PITPNM2: variants seen among roughly 807,000 people sequenced by gnomAD.
The protein encoded by PITPNM2 is membrane-associated phosphatidylinositol transfer protein 2.
PITPNM2 carries 35 observed loss-of-function variants against 132.2 expected under a neutral mutation model. The ratio of observed to expected loss-of-function variants is 0.26; its 90% CI spans 0.20 to 0.35. The LOEUF (loss-of-function observed/expected upper bound fraction) is 0.35. Among genes scored for constraint, PITPNM2 ranks in the 10% least tolerant of loss-of-function variants. PITPNM2 has a pLI of 1.00. For missense variants in PITPNM2, 1,332 were observed against 1,912.0 expected, an observed-to-expected ratio of 0.70 and a Z score of 5.66; for synonymous variants, 738 against 799.2, an observed-to-expected ratio of 0.92 and a Z score of 1.29.
rs1356206434 is a variant in PITPNM2, at chr12:123,106,293, T to C, written c.-96+4092A>G. The stretch of plus-strand genomic sequence containing the variant: ...GTCCCAGCTACTCAGGAGGCTGAGG[T>C]GGGAGGACTGCTTAAGCCCAGGAAT... On this transcript the variant is annotated intron_variant, in intron 2 of 25. Transcript: ENST00000320201. The surrounding 1 kb of genome is among the most constrained non-coding windows in gnomAD (Gnocchi z 4.4). 6.6e-6 allele frequency among the ~76,000 whole-genome samples: 1 copy of C among 151,808 alleles called. No homozygotes were observed. The highest frequency in any genetic ancestry group is 2.4e-5 in the African/African-American group (1 of 41,286).
intron 2 of PITPNM2, among the ~76,000 whole-genome samples, chr12:123,044,393 C>G (rs1309672955): frequency 6.6e-6 from 1 of 152,212 alleles, no homozygotes; most frequent in Non-Finnish European, 1.5e-5. Flanking sequence ...AGGGAGGGCC[C>G]CCTGAGATGC....
chr12:123,056,048 C>T (rs1212981637), intron 2 of PITPNM2, among the ~76,000 whole-genome samples: 1 of 152,230 alleles, frequency 6.6e-6, no homozygotes, highest in East Asian at 1.9e-4. Flanking sequence ...AATCTCACCT[C>T]TGCTCCACCT....
chr12:123,086,569 A>G (rs2042118111), intron 2 of PITPNM2, among the ~76,000 whole-genome samples: 1 of 152,216 alleles, frequency 6.6e-6, no homozygotes, highest in South Asian at 2.1e-4. Context: ...CACAACCACA[A>G]CTACTCTTCT....
At chr12:123,124,992 T>C (rs952665361) in intron 1 of PITPNM2, among the ~76,000 whole-genome samples, 6 of 152,206 alleles carry the variant, frequency 3.9e-5, no homozygotes, top group African/African-American at 1.4e-4. Flanking sequence ...AGAGTCTCGC[T>C]CTGTAGTCCA....
intron 2 of PITPNM2, among the ~76,000 whole-genome samples, chr12:123,057,399 A>T (rs926456469): frequency 3.3e-5 from 5 of 149,282 alleles, no homozygotes; most frequent in Admixed American, 6.6e-5. Flanking sequence ...AAAAAAAAAA[A>T]TTTAAATTCA....
At chr12:123,042,249 C>T (rs1323606833) in intron 2 of PITPNM2, among the ~76,000 whole-genome samples, 1 of 151,826 alleles carries the variant, frequency 6.6e-6, no homozygotes, top group Non-Finnish European at 1.5e-5. Context: ...ACAGAAAGAG[C>T]TTCAGATTCA....
At chr12:123,115,512 G>T (rs1281161252) in intron 1 of PITPNM2, among the ~76,000 whole-genome samples, 1 of 152,036 alleles carries the variant, frequency 6.6e-6, no homozygotes, top group East Asian at 1.9e-4. Flanking sequence ...TGCAGAAGTT[G>T]ATGGAGGGAA....
intron 3 of PITPNM2, among the ~76,000 whole-genome samples, chr12:123,024,431 A>C (rs1246311647): frequency 6.6e-6 from 1 of 152,234 alleles, no homozygotes; most frequent in African/African-American, 2.4e-5. Context: ...GTAAATATCC[A>C]AGAAAAGGAA....
chr12:123,001,882 T>C (rs1477776198), intron 8 of PITPNM2, among the ~76,000 whole-genome samples: 1 of 151,676 alleles, frequency 6.6e-6, no homozygotes, highest in African/African-American at 2.4e-5. Flanking sequence ...AATACAAAAA[T>C]TAGTCAGGCG....
rs1380282290 is a variant in PITPNM2 at position 122,985,813 on chromosome 12, T to C, written c.*214A>G. ...GGTCCCTCTGCCATCCTGGGGCTGG[T>C]GGTCCCTGCCAGCTTCCATGACAAG... On this transcript the variant is annotated 3_prime_UTR_variant, in exon 26 of 26. Coordinates refer to ENST00000320201, the MANE Select transcript of PITPNM2 (RefSeq NM_020845.3). 49 of 443,836 alleles carry C rather than the reference T, an allele frequency of 1.1e-4. No homozygotes were observed. The highest frequency in any genetic ancestry group is 2.2e-4 in the Admixed American group (5 of 22,472). The allele number at this position is 443,836 out of a possible 1,614,324, so 27.5% of individuals were successfully genotyped here.
At position 123,004,115 on chromosome 12, in the gene PITPNM2, G is replaced by A. The variant is rs757057083; in HGVS notation, c.1048+279C>T. On this transcript the variant is annotated intron_variant, in intron 8 of 25. Transcript: ENST00000320201. This position sits in a 1 kb window ranked among gnomAD's most constrained non-coding sequence, Gnocchi z 4.9. ...AGTCTGATGGTGTATCCTTATTTGG[G>A]GTTTCAAGAGCGCAGTCCCCATCTG... Among the ~76,000 whole-genome samples, 5 of 152,084 alleles carry A rather than the reference G, an allele frequency of 3.3e-5. No individual in the cohort carries two copies. Among genetic ancestry groups the A allele is most frequent in the Non-Finnish European group, 7.4e-5 (5 of 68,024 alleles).
chr12:123,106,853 C>T lies in PITPNM2; in HGVS notation c.-96+3532G>A, dbSNP rs781751301. The stretch of plus-strand genomic sequence containing the variant: ...GCTCTCTGGGCAGCCTTCTAACATG[C>T]GAGACTTATCACAGACCTAAACCTC... On this transcript the variant is annotated intron_variant, in intron 2 of 25. Transcript: ENST00000320201. The surrounding 1 kb of genome is among the most constrained non-coding windows in gnomAD (Gnocchi z 4.4). Among the ~76,000 whole-genome samples the T allele has an allele frequency of 3.1e-4, 47 of 152,332 alleles. No individual in the cohort carries two copies. Among genetic ancestry groups the T allele is most frequent in the Middle Eastern group, 6.8e-3 (2 of 294 alleles).
intron 3 of PITPNM2, among the ~76,000 whole-genome samples, chr12:123,017,296 C>T (rs1345807124): frequency 6.7e-6 from 1 of 149,868 alleles, no homozygotes; most frequent in African/African-American, 2.5e-5. Context: ...TGCTTGAACC[C>T]AGGAGGCAGA....
chr12:123,050,116 C>T (rs935601638), intron 2 of PITPNM2, among the ~76,000 whole-genome samples: 6 of 152,202 alleles, frequency 3.9e-5, no homozygotes, highest in Non-Finnish European at 8.8e-5. Context: ...AGGGCATAAA[C>T]GTCAAACAGG....
rs758612081 is a variant in PITPNM2 at position 123,036,410 on chromosome 12, T to C, written c.-95-1725A>G. Among the ~76,000 whole-genome samples, 1 of 152,122 alleles carries C rather than the reference T, an allele frequency of 6.6e-6. No homozygotes were observed. The highest frequency in any genetic ancestry group is 1.5e-5 in the Non-Finnish European group (1 of 68,022). On this transcript the variant is annotated intron_variant, in intron 2 of 25. Transcript: ENST00000320201. This position sits in a 1 kb window ranked among gnomAD's most constrained non-coding sequence, Gnocchi z 4.1. ...GGTAGGAACGTCAGCCCGAAGCCCA[T>C]TCAAATTCTCACATCCATCCTGGCA...
intron 5 of PITPNM2, among the ~76,000 whole-genome samples, chr12:123,011,092 C>T (rs1419139276): frequency 6.6e-6 from 1 of 152,226 alleles, no homozygotes; most frequent in Non-Finnish European, 1.5e-5. Flanking sequence ...ACTCCCGAGG[C>T]ACATGTGTGT....
At chr12:123,003,873 G>A (rs906243710) in intron 8 of PITPNM2, among the ~76,000 whole-genome samples, 4 of 152,224 alleles carry the variant, frequency 2.6e-5, no homozygotes, top group African/African-American at 7.2e-5. Flanking sequence ...CCTCTTCCTG[G>A]CACAGGTGGT....
Position 122,992,379 on chromosome 12 carries a change from T to A in PITPNM2, c.2404+120A>T. ...AACAGCTGTCCACCTCCAAGAGGCA[T>A]TCAGCACAAGCTGTCCCTCTCACCT... On this transcript the variant is annotated intron_variant, in intron 16 of 25. Transcript: ENST00000320201. This position sits in a 1 kb window ranked among gnomAD's most constrained non-coding sequence, Gnocchi z 6.5. The A allele has an allele frequency of 3.8e-6, 3 of 789,978 alleles. No individual in the cohort carries two copies. The highest frequency in any genetic ancestry group is 5.2e-6 in the Non-Finnish European group (3 of 579,222). The allele number at this position is 789,978 out of a possible 1,614,324, so 48.9% of individuals were successfully genotyped here. A position where few individuals can be genotyped will look rare whatever the true frequency, so the allele number is the denominator to read the frequency against.
intron 2 of PITPNM2, among the ~76,000 whole-genome samples, chr12:123,042,731 T>C (rs1248795974): frequency 6.6e-6 from 1 of 152,162 alleles, no homozygotes; most frequent in African/African-American, 2.4e-5. Context: ...CCAAACCTAC[T>C]GGTTCCCAAT....
Sources: gnomAD v4.1 joint callset for allele counts (sites outside exome capture counted in the v4.1 genomes callset) on GRCh38, gnomAD v4.1.1 for gene constraint, Gnocchi (gnomAD v3.1) non-coding constraint, MANE v1.5 for transcripts, NCBI Gene and HGNC (gene_info 2026-07-23, HGNC 2026-07-21) for gene names.